Variants in ZNF320 observed in about 807,000 individuals in gnomAD.
ZNF320 encodes zinc finger gene 320.
In ZNF320, 2 loss-of-function variants were observed where a neutral mutation model predicts 6.8. The observed-to-expected ratio is 0.29, with a 90% CI of 0.12 to 0.93. The LOEUF (loss-of-function observed/expected upper bound fraction) is 0.93. ZNF320 is among the 40% of genes least tolerant of loss of function. ZNF320 has a pLI of 0.55. For synonymous variants in ZNF320, 208 were observed against 203.2 expected (o/e 1.02, Z -0.20); for missense variants, 472 against 611.0 (o/e 0.77, Z 2.40).
At chr19:52,861,224 A>C (rs1398552238) in exon 6 of ZNF320, among the ~76,000 whole-genome samples, 2 of 152,218 alleles carry the variant, frequency 1.3e-5, no homozygotes, top group Admixed American at 1.3e-4. Flanking sequence ...ATTAACAATA[A>C]ACAATTTTAA....
intron 5 of ZNF320, among the ~76,000 whole-genome samples, chr19:52,885,335 C>T (rs1600629285): frequency 6.6e-6 from 1 of 152,154 alleles, no homozygotes; most frequent in East Asian, 1.9e-4. Context: ...AATCCCAGCA[C>T]TTTGGGAGGG....
In ZNF320 at chr19:52,876,248, A is replaced by G. The variant is rs1003013178; in HGVS notation, c.*4348T>C. Reference sequence around the variant, plus strand: ...TGATATCTTTATCAAGTACACATCGAAACAACCTAAAATCATTTATCAGGT... The same window carrying G: ...TGATATCTTTATCAAGTACACATCGGAACAACCTAAAATCATTTATCAGGT... On this transcript the variant is annotated 3_prime_UTR_variant, in exon 6 of 6. Transcript: ENST00000682928. 2.0e-5 allele frequency: 3 copies of G among 152,238 alleles called. No homozygotes were observed. The highest frequency in any genetic ancestry group is 4.4e-5 in the Non-Finnish European group (3 of 68,044). The allele number at this position is 152,238 out of a possible 1,614,324, so 9.4% of individuals were successfully genotyped here.
chr19:52,886,375 T>C (rs1970082871), intron 5 of ZNF320, among the ~76,000 whole-genome samples: 1 of 152,160 alleles, frequency 6.6e-6, no homozygotes, highest in South Asian at 2.1e-4. Flanking sequence ...CCTCAGGCGA[T>C]CTGCCCACCT....
chr19:52,875,365 G>C (rs1235789695), downstream of ZNF320, among the ~76,000 whole-genome samples: 2 of 152,158 alleles, frequency 1.3e-5, no homozygotes, highest in Non-Finnish European at 2.9e-5. Context: ...GCCTGCAGGG[G>C]ACATGGGTAG....
downstream of ZNF320, among the ~76,000 whole-genome samples, chr19:52,860,150 G>A (rs2063479059): frequency 6.6e-6 from 1 of 152,124 alleles, no homozygotes; most frequent in East Asian, 1.9e-4. Context: ...CTGACCTTGT[G>A]ATGCTCCCGC....
intron 5 of ZNF320, among the ~76,000 whole-genome samples, chr19:52,868,593 A>C (rs1446463315): frequency 6.6e-6 from 1 of 152,152 alleles, no homozygotes; most frequent in African/African-American, 2.4e-5. Context: ...GTTCATGTAC[A>C]TGACCCCAAT....
intron 5 of ZNF320, among the ~76,000 whole-genome samples, chr19:52,886,514 A>G (rs1255975532): frequency 3.3e-5 from 5 of 152,196 alleles, no homozygotes; most frequent in Admixed American, 2.6e-4. Flanking sequence ...CTCTCCCCAT[A>G]TATCAATACA....
At chr19:52,862,125 G>T in exon 6 of ZNF320, 2 of 383,646 alleles carry the variant, frequency 5.2e-6, no homozygotes, top group Admixed American at 3.3e-5. Flanking sequence ...ATTCTCCAAT[G>T]ATTTGCAACA....
chr19:52,865,758 TATG>T (rs1048974165), intron 5 of ZNF320, among the ~76,000 whole-genome samples: 3 of 125,848 alleles, frequency 2.4e-5, no homozygotes, highest in Non-Finnish European at 4.6e-5. Flanking sequence ...TATTTATATA[TATG>T]ATTATACACA....
the ZNF320 span, among the ~76,000 whole-genome samples, chr19:52,904,133 G>A: frequency 4.6e-5 from 7 of 152,258 alleles, no homozygotes; most frequent in Admixed American, 6.5e-5. Flanking sequence ...TGGACTCCAA[G>A]TGCCAGTTCC....
intron 5 of ZNF320, among the ~76,000 whole-genome samples, chr19:52,869,104 C>G (rs58664696): frequency 0.21 from 28,598 of 137,714 alleles, 2,145 homozygotes; most frequent in Non-Finnish European, 0.24. Context: ...GTGCATGCAC[C>G]TCTGTGGGAA....
chr19:52,899,599 A>G (rs1432164623), upstream of ZNF320, among the ~76,000 whole-genome samples: 3 of 152,030 alleles, frequency 2.0e-5, no homozygotes, highest in Non-Finnish European at 2.9e-5. Context: ...AGTAGCTGGG[A>G]CTACAGGTGC....
At chr19:52,890,191 C>A in intron 4 of ZNF320, 50 bp downstream of exon 4, 1 of 1,600,354 alleles carries the variant, frequency 6.2e-7, no homozygotes, top group Non-Finnish European at 8.5e-7. Context: ...CAGGCGCCAG[C>A]ATTTCTGAAA....
In ZNF320 at chr19:52,879,742, A is replaced by G. The variant is rs908428892; in HGVS notation, c.*854T>C. 1 of 152,262 alleles carries G rather than the reference A, an allele frequency of 6.6e-6. No individual in the cohort carries two copies. Among genetic ancestry groups the G allele is most frequent in the Non-Finnish European group, 1.5e-5 (1 of 68,052 alleles). 9.4% of individuals were successfully genotyped at this position (152,262 alleles called of 1,614,324 possible). On this transcript the variant is annotated 3_prime_UTR_variant, in exon 6 of 6. Coordinates refer to ENST00000682928, the MANE Select transcript of ZNF320 (RefSeq NM_001351774.2). ...TGGAACTAAAAAACATATGCAGTGGATTTGAAGAATAGAATAACAGCACCA... is the reference window on the plus strand; with the variant it reads ...TGGAACTAAAAAACATATGCAGTGGGTTTGAAGAATAGAATAACAGCACCA...
chr19:52,881,162 C>T lies in ZNF320; in HGVS notation c.964G>A (p.Val322Ile), dbSNP rs1054309952. Residue 322 changes from valine (V) to isoleucine (I), a missense_variant, in exon 6 of 6, where the codon GTT becomes ATT. By Grantham distance (29) the Val-to-Ile change is conservative. Transcript: ENST00000682928. ...QRATLAGHRR[V>I]HTGEKPYRCE... is the part of the protein sequence containing the mutation. ...CTGTAAGGTTTCTCTCCAGTGTGAACTCTACGATGTCCTGCAAGAGTTGCT... is the reference window on the plus strand; with the variant it reads ...CTGTAAGGTTTCTCTCCAGTGTGAATTCTACGATGTCCTGCAAGAGTTGCT... 1 of 1,613,638 alleles carries T rather than the reference C, an allele frequency of 6.2e-7. No homozygotes were observed. Among genetic ancestry groups the T allele is most frequent in the African/African-American group, 1.3e-5 (1 of 74,864 alleles).
At chr19:52,898,515 T>C (rs562503161), upstream of ZNF320, among the ~76,000 whole-genome samples, 10 of 152,290 alleles carry the variant, frequency 6.6e-5, no homozygotes, top group African/African-American at 2.4e-4. Flanking sequence ...GCATTGACAT[T>C]GTAACAGTGT....
intron 4 of ZNF320, among the ~76,000 whole-genome samples, 195 bp downstream of exon 4, chr19:52,890,046 C>G (rs534756052): frequency 6.6e-6 from 1 of 152,126 alleles, no homozygotes; most frequent in Non-Finnish European, 1.5e-5. Context: ...CCAGTGCAGC[C>G]TCTTCCCAAC....
rs1356401555 is a variant in ZNF320 at position 52,866,099 on chromosome 19, TATG to T, written c.224-1943_224-1941del. 3.9e-4 allele frequency among the ~76,000 whole-genome samples: 12 copies of T among 30,572 alleles called. 2 individuals carry two copies. Among genetic ancestry groups the T allele is most frequent in the Non-Finnish European group, 8.1e-4 (12 of 14,842 alleles). 20.1% of individuals were successfully genotyped at this position (30,572 alleles called of 152,430 possible). A position where few individuals can be genotyped will look rare whatever the true frequency, so the allele number is the denominator to read the frequency against. ...ATGATTATACATATATTTATATATG[TATG>T]ATTATACATATATTTATATATGTAT... On this transcript the variant is annotated intron_variant, in intron 5 of 5. Coordinates refer to the ZNF320 transcript ENST00000673631.
Position 52,880,847 on chromosome 19 carries a change from G to A in ZNF320, c.1279C>T (p.His427Tyr). The change falls in exon 6 of 6, where the codon CAC (histidine) becomes TAC (tyrosine). Residue 427 changes from histidine (H) to tyrosine (Y), a missense_variant. By Grantham distance (83) the His-to-Tyr change is moderately conservative. Coordinates refer to ENST00000682928, the MANE Select transcript of ZNF320 (RefSeq NM_001351774.2). ...TGAATCCTCCTATGTCTTTCAAGGT[G>A]TGATTTGCGAATGTAAACTTTGTCA... ...ECDKVYIRKS[H>Y]LERHRRIHTG... 1.9e-6 allele frequency: 3 copies of A among 1,613,956 alleles called. No homozygotes were observed. The highest frequency in any genetic ancestry group is 1.7e-4 in the Middle Eastern group (1 of 6,056).
Sources: gnomAD v4.1 joint callset for allele counts (sites outside exome capture counted in the v4.1 genomes callset) on GRCh38, gnomAD v4.1.1 for gene constraint, MANE v1.5 for transcripts, NCBI Gene and HGNC (gene_info 2026-07-23, HGNC 2026-07-21) for gene names.